Variants in HMBOX1 observed in about 807,000 individuals in gnomAD.
HMBOX1 encodes homeobox containing 1.
HMBOX1 carries 14 observed loss-of-function variants against 54.5 expected under a neutral mutation model. The ratio of observed to expected loss-of-function variants is 0.26; its 90% CI spans 0.17 to 0.40. The LOEUF is 0.40. Ranked by LOEUF, HMBOX1 falls within the 10% of genes least tolerant of loss-of-function variation. The probability of loss-of-function intolerance (pLI) is 1.00; values close to 1 mark genes in which losing one functional copy is unlikely to be tolerated. For missense variants in HMBOX1, 332 were observed against 514.4 expected, an observed-to-expected ratio of 0.65 and a Z score of 3.43; for synonymous variants, 160 against 181.0, an observed-to-expected ratio of 0.88 and a Z score of 0.93.
At chr8:28,998,467 C>G (rs1170527749) in intron 4 of HMBOX1, among the ~76,000 whole-genome samples, 1 of 152,048 alleles carries the variant, frequency 6.6e-6, no homozygotes. Context: ...AACTGTCACT[C>G]AAGTTCTCAT....
chr8:28,892,408 A>G (rs1021415794), intron 1 of HMBOX1, among the ~76,000 whole-genome samples: 2 of 152,184 alleles, frequency 1.3e-5, no homozygotes, highest in African/African-American at 4.8e-5. Context: ...TTAAGGTCAT[A>G]TTTTGTACTT....
intron 4 of HMBOX1, among the ~76,000 whole-genome samples, chr8:28,981,924 A>G (rs1014676942): frequency 6.6e-6 from 1 of 152,154 alleles, no homozygotes; most frequent in African/African-American, 2.4e-5. Flanking sequence ...ATCACCTGGG[A>G]GCTTGCTAGA....
chr8:28,981,765 C>A (rs1238864869), intron 4 of HMBOX1, among the ~76,000 whole-genome samples: 1 of 151,998 alleles, frequency 6.6e-6, no homozygotes, highest in Non-Finnish European at 1.5e-5. Context: ...AAAAGCATTT[C>A]TTGAGCATAT....
chr8:29,034,862 A>AAAAT (rs149008888), intron 6 of HMBOX1, among the ~76,000 whole-genome samples: 2,992 of 152,190 alleles, frequency 0.02, 91 homozygotes, highest in African/African-American at 0.068. Flanking sequence ...ATCTCAAAAT[A>AAAAT]AAATAAATAA....
At chr8:28,927,023 A>T (rs1036977934) in intron 1 of HMBOX1, among the ~76,000 whole-genome samples, 1 of 152,194 alleles carries the variant, frequency 6.6e-6, no homozygotes, top group African/African-American at 2.4e-5. Flanking sequence ...GGGATGGTTA[A>T]TGGGTACTAA....
chr8:29,002,338 A>G (rs1222016718), intron 4 of HMBOX1, among the ~76,000 whole-genome samples: 1 of 152,114 alleles, frequency 6.6e-6, no homozygotes, highest in Non-Finnish European at 1.5e-5. Flanking sequence ...AGAGAAGGAG[A>G]CGAAGGCAGA....
At chr8:28,995,226 C>T (rs1831620091) in intron 4 of HMBOX1, among the ~76,000 whole-genome samples, 1 of 152,194 alleles carries the variant, frequency 6.6e-6, no homozygotes, top group Non-Finnish European at 1.5e-5. Flanking sequence ...GATATACCTA[C>T]AGACAAACTT....
chr8:28,896,291 T>G (rs1812098411), intron 1 of HMBOX1, among the ~76,000 whole-genome samples: 1 of 152,210 alleles, frequency 6.6e-6, no homozygotes, highest in Non-Finnish European at 1.5e-5. Context: ...CCCCTATTGG[T>G]TACATCCTAC....
Position 29,015,534 on chromosome 8 carries a change from G to A in HMBOX1, c.698-3226G>A, listed in dbSNP as rs145246263. ...TAGATTCCAGAGCTCTTGCTGTGCT[G>A]TAATCCCTACTTGTTTTCAGAAAAG... On this transcript the variant is annotated intron_variant, in intron 5 of 9. Coordinates refer to ENST00000287701, the MANE Select transcript of HMBOX1 (RefSeq NM_001135726.3). Among the ~76,000 whole-genome samples the A allele has an allele frequency of 2.0e-5, 3 of 152,252 alleles. No homozygotes were observed. The East Asian group carries it at 5.8e-4, about 29-fold the overall frequency.
Position 29,051,398 on chromosome 8 carries a change from G to A in HMBOX1, c.*243G>A, listed in dbSNP as rs1419059939. On this transcript the variant is annotated 3_prime_UTR_variant, in exon 10 of 10. Coordinates refer to ENST00000287701, the MANE Select transcript of HMBOX1 (RefSeq NM_001135726.3). ...CAAACTTCCCTCTCCCAGCCCCCGA[G>A]GCTAGAAAATCTTGCTGCTCCGTCT... The A allele has an allele frequency of 6.2e-6, 4 of 647,852 alleles. No individual in the cohort carries two copies. The Admixed American group carries it at 6.7e-5, about 11-fold the overall frequency. 40.1% of individuals were successfully genotyped at this position (647,852 alleles called of 1,614,324 possible).
At chr8:28,919,980 T>C (rs1201692423) in intron 1 of HMBOX1, among the ~76,000 whole-genome samples, 2 of 146,724 alleles carry the variant, frequency 1.4e-5, no homozygotes, top group Non-Finnish European at 2.9e-5. Context: ...TTTGTGTGTG[T>C]GTGTGTGTGT....
Position 28,970,981 on chromosome 8 carries a change from GACACACACACACAC to G in HMBOX1, c.500+498_500+511del, listed in dbSNP as rs10554708. ...ATAGGTTCTAATTTTAGCAATAGATGACACACACACACACACACACACACACACACACACACACA... is the reference window on the plus strand; with the variant it reads ...ATAGGTTCTAATTTTAGCAATAGATGACACACACACACACACACACACACA... On this transcript the variant is annotated intron_variant, in intron 3 of 9. Transcript: ENST00000287701. The surrounding 1 kb of genome is among the most constrained non-coding windows in gnomAD (Gnocchi z 4.3). 2.0e-3 allele frequency among the ~76,000 whole-genome samples: 268 copies of G among 132,040 alleles called. No homozygotes were observed. Among genetic ancestry groups the G allele is most frequent in the African/African-American group, 6.2e-3 (215 of 34,930 alleles). 86.6% of individuals were successfully genotyped at this position (132,040 alleles called of 152,430 possible). A position where few individuals can be genotyped will look rare whatever the true frequency, so the allele number is the denominator to read the frequency against.
intron 1 of HMBOX1, among the ~76,000 whole-genome samples, chr8:28,928,611 G>A (rs1585862133): frequency 6.6e-6 from 1 of 152,150 alleles, no homozygotes; most frequent in Non-Finnish European, 1.5e-5. Flanking sequence ...AACAACCTAA[G>A]TTCTGTCCCC....
At chr8:28,926,304 T>TATACACACACAC (rs796953426) in intron 1 of HMBOX1, among the ~76,000 whole-genome samples, 3 of 142,216 alleles carry the variant, frequency 2.1e-5, no homozygotes, top group African/African-American at 7.9e-5. Context: ...TATATATATA[T>TATACACACACAC]ACACACACAC....
intron 6 of HMBOX1, among the ~76,000 whole-genome samples, chr8:29,025,689 C>T (rs766457795): frequency 2.0e-4 from 30 of 152,204 alleles, no homozygotes; most frequent in African/African-American, 6.5e-4. Flanking sequence ...ATATTAGGTA[C>T]AGTTAAAGCC....
At chr8:28,957,107 A>G (rs1264132352) in intron 1 of HMBOX1, among the ~76,000 whole-genome samples, 2 of 152,228 alleles carry the variant, frequency 1.3e-5, no homozygotes, top group African/African-American at 4.8e-5. Flanking sequence ...AAAAAGACAC[A>G]TGCACCCATG....
chr8:29,050,759 A>G, intron 9 of HMBOX1: 1 of 456,040 alleles, frequency 2.2e-6, no homozygotes, highest in Non-Finnish European at 3.9e-6. Flanking sequence ...AATCTTATTA[A>G]TAGAATGAAT....
intron 4 of HMBOX1, among the ~76,000 whole-genome samples, chr8:28,981,424 T>C (rs1193975776): frequency 6.6e-6 from 1 of 152,234 alleles, no homozygotes; most frequent in South Asian, 2.1e-4. Flanking sequence ...GACCAAGTTA[T>C]GGTTCTTAAT....
intron 4 of HMBOX1, among the ~76,000 whole-genome samples, chr8:28,998,590 G>C (rs1832192927): frequency 6.6e-6 from 1 of 151,912 alleles, no homozygotes; most frequent in African/African-American, 2.4e-5. Flanking sequence ...TTGTGTTTCT[G>C]CCAATCTCTG....
Sources: allele counts gnomAD v4.1 joint callset (sites outside exome capture counted in the v4.1 genomes callset), GRCh38; gene constraint gnomAD v4.1.1; non-coding constraint Gnocchi (gnomAD v3.1); transcripts MANE v1.5; gene names NCBI Gene and HGNC (gene_info 2026-07-23, HGNC 2026-07-21).